Variants in WASF3 observed in about 807,000 individuals in gnomAD.
WASF3 encodes actin-binding protein WASF3.
A neutral mutation model predicts 46.6 loss-of-function variants in WASF3; 11 were observed. The observed-to-expected ratio is 0.24, with a 90% CI of 0.15 to 0.39. The LOEUF (loss-of-function observed/expected upper bound fraction) is 0.39. WASF3 is among the 10% of genes least tolerant of loss of function. The pLI is 1.00. For synonymous variants in WASF3, 242 were observed against 259.7 expected (o/e 0.93, Z 0.65); for missense variants, 576 against 669.8 (o/e 0.86, Z 1.55).
chr13:26,604,566 A>G (rs1407624212), intron 1 of WASF3, among the ~76,000 whole-genome samples: 1 of 152,206 alleles, frequency 6.6e-6, no homozygotes, highest in Non-Finnish European at 1.5e-5. Context: ...ATAAAAATAA[A>G]TGTATTTGAA....
intron 5 of WASF3, among the ~76,000 whole-genome samples, chr13:26,669,630 C>T (rs1156876299): frequency 2.6e-5 from 4 of 152,158 alleles, no homozygotes; most frequent in African/African-American, 9.7e-5. Context: ...TCTCCTGCCT[C>T]AGCCTCCCAA....
chr13:26,552,023 G>C, the WASF3 span, among the ~76,000 whole-genome samples: 4 of 152,182 alleles, frequency 2.6e-5, no homozygotes. Flanking sequence ...GAGAGGCAGG[G>C]ATAGATTTGA....
At chr13:26,600,615 A>G (rs1247881268) in intron 1 of WASF3, among the ~76,000 whole-genome samples, 1 of 152,224 alleles carries the variant, frequency 6.6e-6, no homozygotes, top group Non-Finnish European at 1.5e-5. Context: ...AGGTGTATTT[A>G]GTAAGATGTT....
intron 2 of WASF3, among the ~76,000 whole-genome samples, chr13:26,617,375 G>T (rs186633711): frequency 4.6e-5 from 7 of 151,932 alleles, no homozygotes; most frequent in African/African-American, 1.7e-4. Context: ...TTTGTTGTTA[G>T]CATTTGCCTG....
At chr13:26,660,370 T>TGGCA (rs534930427) in intron 3 of WASF3, among the ~76,000 whole-genome samples, 152 of 152,150 alleles carry the variant, frequency 1.0e-3, no homozygotes, top group African/African-American at 3.5e-3. Flanking sequence ...TGCAGGCTCT[T>TGGCA]GGCAGGCAGG....
chr13:26,662,933 G>A (rs17084449), intron 3 of WASF3, among the ~76,000 whole-genome samples: 15,060 of 152,218 alleles, frequency 0.099, 812 homozygotes, highest in African/African-American at 0.15. Context: ...ATGACGAGGA[G>A]CAGTAAAGAA....
chr13:26,586,987 T>G (rs1453856637), intron 1 of WASF3, among the ~76,000 whole-genome samples: 1 of 150,578 alleles, frequency 6.6e-6, no homozygotes, highest in East Asian at 2.0e-4. Flanking sequence ...CCTGTAGTCC[T>G]GGCTACTTGG....
intron 3 of WASF3, among the ~76,000 whole-genome samples, chr13:26,652,407 C>G (rs1320575605): frequency 6.6e-6 from 1 of 152,146 alleles, no homozygotes; most frequent in African/African-American, 2.4e-5. Flanking sequence ...TAGGCAAACT[C>G]AAAATCATAG....
At chr13:26,678,973 G>A (rs1396198798) in intron 7 of WASF3, among the ~76,000 whole-genome samples, 2 of 146,004 alleles carry the variant, frequency 1.4e-5, no homozygotes, top group Admixed American at 6.8e-5. Context: ...CCATGTCAGC[G>A]TTGTCTCCAG....
intron 2 of WASF3, among the ~76,000 whole-genome samples, chr13:26,624,935 CA>C (rs1269263822): frequency 6.6e-6 from 1 of 151,980 alleles, no homozygotes; most frequent in Non-Finnish European, 1.5e-5. Context: ...AAGAATGTTT[CA>C]GACAAACAAA....
At chr13:26,655,957 G>A (rs1254575385) in intron 3 of WASF3, among the ~76,000 whole-genome samples, 1 of 151,984 alleles carries the variant, frequency 6.6e-6, no homozygotes, top group African/African-American at 2.4e-5. Context: ...CTCAGCCCTG[G>A]AGTCATTTTT....
At chr13:26,643,314 A>G (rs563262652) in intron 3 of WASF3, among the ~76,000 whole-genome samples, 64 of 152,286 alleles carry the variant, frequency 4.2e-4, no homozygotes, top group African/African-American at 1.4e-3. Context: ...GAAATGTCCC[A>G]TATTGGTAGC....
intron 3 of WASF3, among the ~76,000 whole-genome samples, chr13:26,661,614 C>G (rs959141636): frequency 1.3e-5 from 2 of 152,150 alleles, no homozygotes; most frequent in African/African-American, 4.8e-5. Flanking sequence ...CTTGCTTGCA[C>G]TTCTTTACGG....
At chr13:26,668,625 C>G (rs917299498) in intron 5 of WASF3, among the ~76,000 whole-genome samples, 5 of 152,236 alleles carry the variant, frequency 3.3e-5, no homozygotes, top group Non-Finnish European at 5.9e-5. Context: ...AATTCCTGTC[C>G]TTTCTCAGGG....
intron 7 of WASF3, among the ~76,000 whole-genome samples, chr13:26,680,585 T>C (rs1356492183): frequency 1.3e-5 from 2 of 152,262 alleles, no homozygotes; most frequent in Non-Finnish European, 2.9e-5. Context: ...TGATTCACTC[T>C]ACTGCATTCT....
intron 1 of WASF3, among the ~76,000 whole-genome samples, chr13:26,593,172 A>G (rs372906836): frequency 5.3e-5 from 8 of 152,098 alleles, no homozygotes; most frequent in African/African-American, 1.9e-4. Flanking sequence ...AAAAAATATC[A>G]TCTTAGCTTG....
chr13:26,686,141 T>C lies in WASF3; in HGVS notation c.*296T>C, dbSNP rs1883398515. On this transcript the variant is annotated 3_prime_UTR_variant, in exon 10 of 10. Transcript: ENST00000335327. ...ATGAGAGTATTTAGTGCAGTTTGGGTTTACTCTTACTGATCAATATAACTC... is the reference window on the plus strand; with the variant it reads ...ATGAGAGTATTTAGTGCAGTTTGGGCTTACTCTTACTGATCAATATAACTC... 1 of 339,016 alleles carries C rather than the reference T, an allele frequency of 2.9e-6. No individual in the cohort carries two copies. Among genetic ancestry groups the C allele is most frequent in the South Asian group, 5.3e-5 (1 of 18,978 alleles). The allele number at this position is 339,016 out of a possible 1,614,324, so 21.0% of individuals were successfully genotyped here. A position where few individuals can be genotyped will look rare whatever the true frequency, so the allele number is the denominator to read the frequency against.
intron 2 of WASF3, 144 bp from the exon 3 acceptor site, chr13:26,642,117 T>G: frequency 1.3e-6 from 1 of 771,992 alleles, no homozygotes; most frequent in Non-Finnish European, 1.9e-6. Context: ...ATTCACTGTT[T>G]GTTGCATTTT....
At chr13:26,642,141 A>T (rs1432492734) in intron 2 of WASF3, 120 bp from the exon 3 acceptor site, 2 of 1,118,172 alleles carry the variant, frequency 1.8e-6, no homozygotes, top group Non-Finnish European at 2.4e-6. Flanking sequence ...TGATTCTGTC[A>T]CATAGAAATT....
Sources: allele counts gnomAD v4.1 joint callset (sites outside exome capture counted in the v4.1 genomes callset), GRCh38; gene constraint gnomAD v4.1.1; transcripts MANE v1.5; gene names NCBI Gene and HGNC (gene_info 2026-07-23, HGNC 2026-07-21).